Variants in EXOC6B observed in about 807,000 individuals in gnomAD.
EXOC6B encodes SEC15 homolog B.
In EXOC6B, 54 loss-of-function variants were observed where a neutral mutation model predicts 113.5. The ratio of observed to expected loss-of-function variants is 0.48; its 90% CI spans 0.38 to 0.60. The LOEUF (loss-of-function observed/expected upper bound fraction) is 0.60. Ranked by LOEUF, EXOC6B falls within the 20% of genes least tolerant of loss-of-function variation. The pLI, the probability that EXOC6B is intolerant of heterozygous loss-of-function variation, is 0.00. For synonymous variants in EXOC6B, 357 were observed against 339.0 expected, an observed-to-expected ratio of 1.05 and a Z score of -0.58; for missense variants, 797 against 977.5, an observed-to-expected ratio of 0.82 and a Z score of 2.46.
At chr2:72,685,925 A>C (rs886647564) in intron 6 of EXOC6B, among the ~76,000 whole-genome samples, 1 of 152,196 alleles carries the variant, frequency 6.6e-6, no homozygotes, top group African/African-American at 2.4e-5. Flanking sequence ...TTTTTATGGA[A>C]ATCACTTAAC....
At chr2:72,616,035 T>C (rs926559652) in intron 6 of EXOC6B, among the ~76,000 whole-genome samples, 3 of 152,112 alleles carry the variant, frequency 2.0e-5, no homozygotes, top group Admixed American at 1.3e-4. Context: ...AAAATAAGCA[T>C]ATAAAAATAC....
At chr2:72,442,380 A>G (rs572060045) in intron 18 of EXOC6B, among the ~76,000 whole-genome samples, 1 of 152,258 alleles carries the variant, frequency 6.6e-6, no homozygotes, top group Non-Finnish European at 1.5e-5. Context: ...CTCATATTCA[A>G]CATGGTAATG....
chr2:72,727,378 C>A (rs1408384335), intron 5 of EXOC6B, among the ~76,000 whole-genome samples: 1 of 151,972 alleles, frequency 6.6e-6, no homozygotes, highest in Non-Finnish European at 1.5e-5. Context: ...GAATAACTGG[C>A]CTGTAATCTT....
In EXOC6B at chr2:72,659,651, G is replaced by A. The variant is rs1024499197; in HGVS notation, c.669+58452C>T. On this transcript the variant is annotated intron_variant, in intron 6 of 21. Coordinates refer to ENST00000272427, the MANE Select transcript of EXOC6B (RefSeq NM_015189.3). ...CACAGTGTTGGAAAATGGCTCCTAA[G>A]CTGGAACCAGAACAAGATTTCAAAA... 3.9e-5 allele frequency among the ~76,000 whole-genome samples: 6 copies of A among 152,140 alleles called. 1 individual carries two copies. The highest frequency in any genetic ancestry group is 1.3e-4 in the Admixed American group (2 of 15,290).
In EXOC6B at chr2:72,554,904, C is replaced by T. The variant is rs927610620; in HGVS notation, c.915+4549G>A. ...ATTTCTCCTAATGCTATCCCTCCCC[C>T]AGACCCCCAACCCCTGACAGGCCCC... On this transcript the variant is annotated intron_variant, in intron 8 of 21. Transcript: ENST00000272427. Among the ~76,000 whole-genome samples, 3 of 152,138 alleles carry T rather than the reference C, an allele frequency of 2.0e-5. 1 individual carries two copies. In the East Asian group the frequency reaches 5.8e-4, roughly 29 times the overall value.
chr2:72,508,132 GAA>G (rs796807890), intron 11 of EXOC6B, among the ~76,000 whole-genome samples: 62 of 40,244 alleles, frequency 1.5e-3, no homozygotes, highest in African/African-American at 8.4e-3. Flanking sequence ...TATGATGGGG[GAA>G]AAAAAAACCT....
chr2:72,652,553 G>T (rs918939814), intron 6 of EXOC6B, among the ~76,000 whole-genome samples: 3 of 151,630 alleles, frequency 2.0e-5, no homozygotes, highest in African/African-American at 7.3e-5. Flanking sequence ...TTTCTCAATA[G>T]ATGAAGAATA....
At chr2:72,442,818 G>GAAATTCATA (rs1355623853) in intron 18 of EXOC6B, among the ~76,000 whole-genome samples, 2 of 152,116 alleles carry the variant, frequency 1.3e-5, no homozygotes, top group African/African-American at 4.8e-5. Flanking sequence ...ACTGCCCAAA[G>GAAATTCATA]AAATTCATAA....
At chr2:72,473,773 T>G (rs777574131) in intron 17 of EXOC6B, among the ~76,000 whole-genome samples, 6 of 152,176 alleles carry the variant, frequency 3.9e-5, no homozygotes, top group Non-Finnish European at 7.4e-5. Context: ...TACTGTTTGT[T>G]ACTGCGGTTT....
At chr2:72,347,867 G>C (rs1014212451) in intron 19 of EXOC6B, among the ~76,000 whole-genome samples, 2 of 152,042 alleles carry the variant, frequency 1.3e-5, no homozygotes, top group Admixed American at 1.3e-4. Flanking sequence ...AATGACTTAA[G>C]ATTCTGGAAT....
intron 8 of EXOC6B, among the ~76,000 whole-genome samples, chr2:72,519,279 C>T (rs1203375257): frequency 6.6e-6 from 1 of 152,040 alleles, no homozygotes; most frequent in Non-Finnish European, 1.5e-5. Context: ...TATCCAGTGC[C>T]ACATTTTTTA....
rs144830817 is a variant in EXOC6B, at chr2:72,376,425, CTG to C, written c.2122+3302_2122+3303del. On this transcript the variant is annotated intron_variant, in intron 19 of 21. Coordinates refer to ENST00000272427, the MANE Select transcript of EXOC6B (RefSeq NM_015189.3). ...GTTTGCTCTGTTTCTGATAAGTTGGCTGTAGCTCTTATCACTGTTCTTCATTA... is the reference window on the plus strand; with the variant it reads ...GTTTGCTCTGTTTCTGATAAGTTGGCTAGCTCTTATCACTGTTCTTCATTA... Among the ~76,000 whole-genome samples, 95 of 152,244 alleles carry C rather than the reference CTG, an allele frequency of 6.2e-4. 1 individual carries two copies. In the East Asian group the frequency reaches 0.016, roughly 26 times the overall value.
intron 19 of EXOC6B, among the ~76,000 whole-genome samples, chr2:72,347,260 T>G (rs928463069): frequency 6.6e-6 from 1 of 152,132 alleles, no homozygotes; most frequent in Non-Finnish European, 1.5e-5. Context: ...CTAGGAAAGT[T>G]GAAGATCTGC....
intron 1 of EXOC6B, among the ~76,000 whole-genome samples, chr2:72,744,274 A>G (rs1305567403): frequency 6.6e-6 from 1 of 152,186 alleles, no homozygotes; most frequent in East Asian, 1.9e-4. Context: ...ATGACTGTAC[A>G]TGTTTGGCTT....
At chr2:72,281,436 C>G (rs1240759988) in intron 20 of EXOC6B, among the ~76,000 whole-genome samples, 1 of 152,072 alleles carries the variant, frequency 6.6e-6, no homozygotes, top group African/African-American at 2.4e-5. Flanking sequence ...GAATAAAATA[C>G]AGAATTTCAC....
At chr2:72,343,623 T>C (rs909643285) in intron 19 of EXOC6B, among the ~76,000 whole-genome samples, 12 of 152,158 alleles carry the variant, frequency 7.9e-5, no homozygotes, top group African/African-American at 2.2e-4. Context: ...AGAAGTTCCT[T>C]AGCTTCTATT....
intron 7 of EXOC6B, among the ~76,000 whole-genome samples, chr2:72,573,258 A>G (rs1704623877): frequency 6.6e-6 from 1 of 152,210 alleles, no homozygotes; most frequent in East Asian, 1.9e-4. Flanking sequence ...TGTATTATCC[A>G]AGGGCACAGA....
In EXOC6B at chr2:72,663,853, TTAATAA is replaced by T. The variant is rs1400132380; in HGVS notation, c.669+54244_669+54249del. On this transcript the variant is annotated intron_variant, in intron 6 of 21. Transcript: ENST00000272427. ...ACCCTAATGTAAGCTATAGCTTTAG[TTAATAA>T]TAATGCATCAATATTGGCTCATCAA... Among the ~76,000 whole-genome samples, 4 of 152,266 alleles carry T rather than the reference TTAATAA, an allele frequency of 2.6e-5. No individual in the cohort carries two copies. The East Asian group carries it at 7.7e-4, about 29-fold the overall frequency.
At chr2:72,508,184 A>AAACCAC (rs923877882) in intron 11 of EXOC6B, among the ~76,000 whole-genome samples, 2 of 89,114 alleles carry the variant, frequency 2.2e-5, no homozygotes, top group African/African-American at 1.3e-4. Context: ...AAAAAAAAAA[A>AAACCAC]ACACCTAAAA....
Sources: gnomAD v4.1 joint callset for allele counts (sites outside exome capture counted in the v4.1 genomes callset) on GRCh38, gnomAD v4.1.1 for gene constraint, MANE v1.5 for transcripts, NCBI Gene and HGNC (gene_info 2026-07-23, HGNC 2026-07-21) for gene names.